Variants in PASK observed in about 807,000 individuals in gnomAD.
PASK encodes PAS domain containing serine/threonine kinase, also known as PAS domain-containing serine/threonine-protein kinase.
PASK carries 110 observed loss-of-function variants against 121.0 expected under a neutral mutation model. The observed-to-expected ratio is 0.91, with a 90% CI of 0.78 to 1.06. PASK has a LOEUF of 1.06. Among genes scored for constraint, PASK ranks in the 50% least tolerant of loss-of-function variants. The pLI, the probability that PASK is intolerant of heterozygous loss-of-function variation, is 0.00. For synonymous variants in PASK, 686 were observed against 717.8 expected (o/e 0.96, Z 0.71); for missense variants, 1,643 against 1,702.3 (o/e 0.97, Z 0.61).
chr2:241,115,559 C>T, intron 12 of PASK, 146 bp from the exon 13 acceptor site: 2 of 887,392 alleles, frequency 2.3e-6, no homozygotes, highest in South Asian at 2.8e-5. Context: ...CCACCTGGTC[C>T]CCAAGCATCC....
chr2:241,138,184 A>T lies in PASK; in HGVS notation c.742-97T>A. ...ATGTTCAAGCCAAAAGCAAGACCCC[A>T]ACATGACTTCTCCATCGGAAGGGCA... On this transcript the variant is annotated intron_variant, in intron 5 of 17. Coordinates refer to ENST00000234040, the MANE Select transcript of PASK (RefSeq NM_015148.4). 4 of 1,278,920 alleles carry T rather than the reference A, an allele frequency of 3.1e-6. No individual in the cohort carries two copies. The South Asian group carries it at 5.0e-5, about 16-fold the overall frequency. The allele number at this position is 1,278,920 out of a possible 1,614,324, so 79.2% of individuals were successfully genotyped here. A position where few individuals can be genotyped will look rare whatever the true frequency, so the allele number is the denominator to read the frequency against.
intron 12 of PASK, among the ~76,000 whole-genome samples, chr2:241,122,427 G>GC (rs968991990): frequency 6.6e-6 from 1 of 152,218 alleles, no homozygotes; most frequent in Admixed American, 6.5e-5. Context: ...CAAGCCCCAG[G>GC]CTCAGAAAGG....
intron 6 of PASK, 78 bp downstream of exon 6, chr2:241,137,875 T>A (rs149993924): frequency 6.5e-7 from 1 of 1,533,096 alleles, no homozygotes; most frequent in African/African-American, 1.4e-5. Flanking sequence ...TCAGAAACCC[T>A]TGGTCTGCGT....
At chr2:241,116,343 C>T (rs532557160) in intron 12 of PASK, among the ~76,000 whole-genome samples, 1 of 152,314 alleles carries the variant, frequency 6.6e-6, no homozygotes, top group South Asian at 2.1e-4. Context: ...AGAAATGCAG[C>T]GTCATTACTG....
upstream of PASK, chr2:241,150,042 G>A: frequency 7.3e-7 from 1 of 1,370,430 alleles, no homozygotes; most frequent in Non-Finnish European, 9.4e-7. Context: ...AGCGAGGCTC[G>A]CAGAGGTCAG....
At chr2:241,136,443 G>A (rs1414074372) in intron 7 of PASK, among the ~76,000 whole-genome samples, 3 of 152,238 alleles carry the variant, frequency 2.0e-5, no homozygotes, top group South Asian at 2.1e-4. Flanking sequence ...CCCAGGCCAG[G>A]AGCTGCTCTG....
intron 14 of PASK, chr2:241,114,201 T>C (rs1016378140): frequency 1.3e-5 from 13 of 985,044 alleles, no homozygotes; most frequent in Non-Finnish European, 1.6e-5. Context: ...GGTGACCCTT[T>C]TTTGCAGAAC....
In PASK at chr2:241,122,710, T is replaced by G. The variant is rs765933700; in HGVS notation, c.3072+22A>C. 13 of 1,587,732 alleles carry G rather than the reference T, an allele frequency of 8.2e-6. No individual in the cohort carries two copies. The Admixed American group carries it at 1.5e-4, about 18-fold the overall frequency. On this transcript the variant is annotated intron_variant, in intron 12 of 17. Transcript: ENST00000234040. ...CATGTGAAGTGGTGCCCGGCGCCAC[T>G]CCCCCCCCACAGCCAGGTTACCTCC...
At chr2:241,109,192 G>T (rs1035746335) in intron 15 of PASK, 1 of 152,742 alleles carries the variant, frequency 6.5e-6, no homozygotes, top group Non-Finnish European at 1.5e-5. Context: ...GGTACCTAGA[G>T]ATGCCAATGC....
At chr2:241,149,570 A>T (rs918813789), upstream of PASK, 1 of 1,330,222 alleles carries the variant, frequency 7.5e-7, no homozygotes. Flanking sequence ...AGCTAGCCAG[A>T]GTCTAGAAGC....
Position 241,112,658 on chromosome 2 carries a change from G to A in PASK, c.3334-219C>T. 5.7e-6 allele frequency: 3 copies of A among 526,316 alleles called. No homozygotes were observed. The South Asian group carries it at 6.4e-5, about 11-fold the overall frequency. 32.6% of individuals were successfully genotyped at this position (526,316 alleles called of 1,614,324 possible). ...GTGTTCACTGGGGATGGCCACGTTA[G>A]CCGGCAAGGTGGCAACATCAATGAG... On this transcript the variant is annotated intron_variant, in intron 14 of 17. Transcript: ENST00000234040. The surrounding 1 kb of genome is among the most constrained non-coding windows in gnomAD (Gnocchi z 5.2).
chr2:241,126,073 G>A (rs2065844524), intron 10 of PASK, 123 bp downstream of exon 10: 1 of 847,620 alleles, frequency 1.2e-6, no homozygotes, highest in African/African-American at 1.7e-5. Flanking sequence ...TTGAAAACAT[G>A]ATTTCTGCTA....
chr2:241,141,375 G>A (rs893560387), intron 2 of PASK, among the ~76,000 whole-genome samples: 1 of 152,102 alleles, frequency 6.6e-6, no homozygotes, highest in Non-Finnish European at 1.5e-5. Flanking sequence ...TGGCCACTCC[G>A]GTGGCTGCCC....
rs1444857485 is a variant in PASK at position 241,106,697 on chromosome 2, G to A, written c.3841C>T (p.Leu1281=). The change falls in exon 18 of 18, where the codon CTG becomes TTG. Residue 1281 remains leucine, a synonymous_variant. Coordinates refer to ENST00000234040, the MANE Select transcript of PASK (RefSeq NM_015148.4). ...CTCAGGCTCCTGTTCCCCATCTCCA[G>A]GCTCGCAGCGGACAGAACTCCACTT... is the stretch of plus-strand genomic sequence containing the variant. The part of the protein sequence containing the change: ...PESGVLSAAS[L]EMGNRSLSDV... The A allele has an allele frequency of 1.2e-6, 2 of 1,614,208 alleles. No individual in the cohort carries two copies. Among genetic ancestry groups the A allele is most frequent in the Non-Finnish European group, 1.7e-6 (2 of 1,180,018 alleles).
intron 1 of PASK, among the ~76,000 whole-genome samples, chr2:241,143,338 C>G (rs771770981): frequency 3.9e-5 from 6 of 152,000 alleles, no homozygotes; most frequent in African/African-American, 9.7e-5. Context: ...GTCAGGAGAT[C>G]GAGGAGATCG....
At chr2:241,144,464 C>A (rs770983416) in intron 1 of PASK, among the ~76,000 whole-genome samples, 7 of 152,254 alleles carry the variant, frequency 4.6e-5, no homozygotes, top group East Asian at 1.9e-4. Context: ...AATGAGGAGA[C>A]CCTGGGGCCA....
chr2:241,132,124 A>T (rs1270382366), intron 9 of PASK, among the ~76,000 whole-genome samples: 1 of 152,122 alleles, frequency 6.6e-6, no homozygotes, highest in African/African-American at 2.4e-5. Flanking sequence ...GCTATGTACA[A>T]TACGACTATG....
At chr2:241,114,276 G>A in intron 14 of PASK, 1 of 985,334 alleles carries the variant, frequency 1.0e-6, no homozygotes, top group South Asian at 4.7e-5. Flanking sequence ...AACAACCCGA[G>A]AGTGTGTAGC....
chr2:241,123,464 C>T (rs1362502526), intron 11 of PASK, among the ~76,000 whole-genome samples: 1 of 152,076 alleles, frequency 6.6e-6, no homozygotes, highest in Non-Finnish European at 1.5e-5. Flanking sequence ...AGGCTTGAGC[C>T]ACCATGCCCG....
Sources: allele counts gnomAD v4.1 joint callset (sites outside exome capture counted in the v4.1 genomes callset), GRCh38; gene constraint gnomAD v4.1.1; non-coding constraint Gnocchi (gnomAD v3.1); transcripts MANE v1.5; gene names NCBI Gene and HGNC (gene_info 2026-07-23, HGNC 2026-07-21).